PTPRN2: variants seen among roughly 807,000 people sequenced by gnomAD.
The protein encoded by PTPRN2 is protein tyrosine phosphatase receptor type N2.
A neutral mutation model predicts 118.8 loss-of-function variants in PTPRN2; 74 were observed. The ratio of observed to expected loss-of-function variants is 0.62; its 90% CI spans 0.52 to 0.76. The LOEUF is 0.76. Among genes scored for constraint, PTPRN2 ranks in the 30% least tolerant of loss-of-function variants. PTPRN2 has a pLI of 0.00. For synonymous variants in PTPRN2, 641 were observed against 608.0 expected, an observed-to-expected ratio of 1.05 and a Z score of -0.80; for missense variants, 1,481 against 1,394.4, an observed-to-expected ratio of 1.06 and a Z score of -0.99.
At chr7:158,410,724 T>C (rs1046498639) in intron 2 of PTPRN2, among the ~76,000 whole-genome samples, 19 of 152,170 alleles carry the variant, frequency 1.2e-4, no homozygotes, top group African/African-American at 3.9e-4. Context: ...TGAAGGACCT[T>C]GAGGTGAGAT....
chr7:157,840,328 ACCGCGTGTGACGTGTGG>A (rs566940342), intron 12 of PTPRN2, among the ~76,000 whole-genome samples: 3,610 of 117,392 alleles, frequency 0.031, 78 homozygotes, highest in Non-Finnish European at 0.041. Flanking sequence ...TGACTGTGTG[ACCGCGTGTGACGTGTGG>A]CCGCGTGTGA....
intron 19 of PTPRN2, among the ~76,000 whole-genome samples, chr7:157,574,012 G>A (rs1461476216): frequency 2.0e-5 from 3 of 152,080 alleles, no homozygotes; most frequent in African/African-American, 7.2e-5. Context: ...CAAATAGAGA[G>A]GAAAACCACG....
At chr7:157,950,341 C>T (rs1219671196) in intron 11 of PTPRN2, among the ~76,000 whole-genome samples, 1 of 152,210 alleles carries the variant, frequency 6.6e-6, no homozygotes, top group Non-Finnish European at 1.5e-5. Context: ...ATGCTCACTG[C>T]TGGTCCCGTC....
At chr7:158,144,298 C>T (rs1188899718) in intron 6 of PTPRN2, among the ~76,000 whole-genome samples, 2 of 152,176 alleles carry the variant, frequency 1.3e-5, no homozygotes, top group Non-Finnish European at 2.9e-5. Flanking sequence ...GTATTCAATT[C>T]AGAGTGGCTA....
intron 2 of PTPRN2, among the ~76,000 whole-genome samples, chr7:158,431,458 C>CACACACTGGCTCACACTGG (rs1300397001): frequency 1.3e-5 from 2 of 149,092 alleles, no homozygotes; most frequent in Admixed American, 6.7e-5. Flanking sequence ...CCTCACACGA[C>CACACACTGGCTCACACTGG]ACACACTGGG....
intron 12 of PTPRN2, among the ~76,000 whole-genome samples, chr7:157,756,747 A>T (rs571538126): frequency 6.6e-6 from 1 of 152,082 alleles, no homozygotes; most frequent in African/African-American, 2.4e-5. Context: ...CTTCATAGGA[A>T]TTAAGGCCAA....
chr7:157,596,672 C>T lies in PTPRN2; in HGVS notation c.2419-1357G>A, dbSNP rs970004739. 6.6e-6 allele frequency among the ~76,000 whole-genome samples: 1 copy of T among 152,170 alleles called. No individual in the cohort carries two copies. Among genetic ancestry groups the T allele is most frequent in the Admixed American group, 6.5e-5 (1 of 15,288 alleles). On this transcript the variant is annotated intron_variant, in intron 16 of 22. Transcript: ENST00000389418. This position sits in a 1 kb window ranked among gnomAD's most constrained non-coding sequence, Gnocchi z 4.2. Reference sequence around the variant, plus strand: ...CTCACCAGCTCCTCCCCACACCTCCCAGAAGCATCTGCAGAGACCGACCCC... The same window carrying T: ...CTCACCAGCTCCTCCCCACACCTCCTAGAAGCATCTGCAGAGACCGACCCC...
chr7:157,555,690 C>CT (rs1386218718), intron 21 of PTPRN2, among the ~76,000 whole-genome samples: 1 of 151,962 alleles, frequency 6.6e-6, no homozygotes, highest in African/African-American at 2.4e-5. Flanking sequence ...GCAATGTATT[C>CT]TTTTTTTCTT....
chr7:157,657,126 T>C (rs1440917767), intron 13 of PTPRN2, among the ~76,000 whole-genome samples: 2 of 99,592 alleles, frequency 2.0e-5, no homozygotes, highest in Admixed American at 1.1e-4. Flanking sequence ...ATCACACATA[T>C]ACACACACAT....
Position 158,014,111 on chromosome 7 carries a change from T to C in PTPRN2, c.1723+67187A>G, listed in dbSNP as rs376424299. ...ACCTGTTCATCCATCCATCTATCCC[T>C]CTATCCATCCATCCAATCACCCACC... On this transcript the variant is annotated intron_variant, in intron 11 of 22. Coordinates refer to ENST00000389418, the MANE Select transcript of PTPRN2 (RefSeq NM_002847.5). Among the ~76,000 whole-genome samples, 324 of 87,630 alleles carry C rather than the reference T, an allele frequency of 3.7e-3. 17 individuals carry two copies. Among genetic ancestry groups the C allele is most frequent in the African/African-American group, 0.016 (307 of 19,574 alleles). 57.5% of individuals were successfully genotyped at this position (87,630 alleles called of 152,430 possible). A position where few individuals can be genotyped will look rare whatever the true frequency, so the allele number is the denominator to read the frequency against.
chr7:157,751,681 G>A (rs1381872324), intron 12 of PTPRN2, among the ~76,000 whole-genome samples: 2 of 152,012 alleles, frequency 1.3e-5, no homozygotes, highest in African/African-American at 2.4e-5. Flanking sequence ...GCTGACACGC[G>A]GTGGAAAGCC....
intron 3 of PTPRN2, among the ~76,000 whole-genome samples, chr7:158,215,527 A>T (rs1827894985): frequency 6.6e-6 from 1 of 152,254 alleles, no homozygotes; most frequent in Admixed American, 6.5e-5. Flanking sequence ...GAAGCTAAGC[A>T]TACCCCAAAC....
chr7:157,699,184 C>G (rs540900098), intron 12 of PTPRN2, among the ~76,000 whole-genome samples: 1 of 152,278 alleles, frequency 6.6e-6, no homozygotes, highest in African/African-American at 2.4e-5. Context: ...TATAACTTAG[C>G]CATGTCCTGT....
intron 11 of PTPRN2, among the ~76,000 whole-genome samples, chr7:157,948,784 C>A (rs1253501439): frequency 6.6e-6 from 1 of 152,148 alleles, no homozygotes; most frequent in South Asian, 2.1e-4. Flanking sequence ...AATAAATGCC[C>A]ATTGAAGTAT....
intron 2 of PTPRN2, among the ~76,000 whole-genome samples, chr7:158,347,806 G>A (rs1206957464): frequency 6.6e-6 from 1 of 152,200 alleles, no homozygotes. Flanking sequence ...TCAGTGTACA[G>A]GTCTCACCGT....
chr7:158,248,788 TGTGC>T, intron 3 of PTPRN2, among the ~76,000 whole-genome samples: 1 of 12,250 alleles, frequency 8.2e-5, no homozygotes, highest in African/African-American at 5.1e-4. Context: ...ACATCACATA[TGTGC>T]ATATAGATGA....
In PTPRN2 at chr7:158,338,190, C is replaced by A. The variant is rs373143622; in HGVS notation, c.164-21258G>T. Among the ~76,000 whole-genome samples, 21 of 6,756 alleles carry A rather than the reference C, an allele frequency of 3.1e-3. 7 individuals are homozygous for A. The highest frequency in any genetic ancestry group is 5.8e-3 in the Non-Finnish European group (14 of 2,398). The allele number at this position is 6,756 out of a possible 152,430, so 4.4% of individuals were successfully genotyped here. ...CCCACACTCTCACCATAAGAGGTGACACCTGCAGACGTCACTCACACCCAC... is the reference window on the plus strand; with the variant it reads ...CCCACACTCTCACCATAAGAGGTGAAACCTGCAGACGTCACTCACACCCAC... On this transcript the variant is annotated intron_variant, in intron 2 of 22. Coordinates refer to ENST00000389418, the MANE Select transcript of PTPRN2 (RefSeq NM_002847.5).
At chr7:158,329,341 T>A (rs1338283752) in intron 2 of PTPRN2, among the ~76,000 whole-genome samples, 1 of 152,170 alleles carries the variant, frequency 6.6e-6, no homozygotes, top group Non-Finnish European at 1.5e-5. Context: ...CCCAGCCTTT[T>A]ACCTTTAAGG....
intron 15 of PTPRN2, 94 bp from the exon 16 acceptor site, chr7:157,604,169 C>A: frequency 8.8e-7 from 1 of 1,138,390 alleles, no homozygotes; most frequent in Non-Finnish European, 1.3e-6. Flanking sequence ...CCCAGCAGCA[C>A]AGGACCCCTG....
Sources: allele counts gnomAD v4.1 joint callset (sites outside exome capture counted in the v4.1 genomes callset), GRCh38; gene constraint gnomAD v4.1.1; non-coding constraint Gnocchi (gnomAD v3.1); transcripts MANE v1.5; gene names NCBI Gene and HGNC (gene_info 2026-07-23, HGNC 2026-07-21).